Variants in INSYN2B observed in about 807,000 individuals in gnomAD.
The protein encoded by INSYN2B is inhibitory synaptic factor family member 2B, also known as protein INSYN2B.
Under a neutral mutation model 41.2 loss-of-function variants are expected in INSYN2B, and 16 were observed. The ratio of observed to expected loss-of-function variants is 0.39; its 90% CI spans 0.26 to 0.59. INSYN2B has a LOEUF of 0.59. INSYN2B is among the 20% of genes least tolerant of loss of function. The pLI is 0.57. For synonymous variants in INSYN2B, 245 were observed against 244.4 expected, an observed-to-expected ratio of 1.00 and a Z score of -0.02; for missense variants, 608 against 646.4, an observed-to-expected ratio of 0.94 and a Z score of 0.64.
intron 1 of INSYN2B, among the ~76,000 whole-genome samples, chr5:169,977,869 C>T (rs1030458525): frequency 1.1e-4 from 17 of 152,160 alleles, no homozygotes; most frequent in African/African-American, 4.1e-4. Flanking sequence ...CCTCCCACTT[C>T]CAGTCCTAGA....
intron 1 of INSYN2B, among the ~76,000 whole-genome samples, chr5:169,936,902 AT>A (rs1394763730): frequency 1.3e-5 from 2 of 152,240 alleles, no homozygotes; most frequent in African/African-American, 4.8e-5. Context: ...CAGACACTTA[AT>A]AATTCAAACA....
chr5:169,980,241 C>A (rs1214937453), intron 1 of INSYN2B, 36 bp downstream of exon 1: 2 of 152,040 alleles, frequency 1.3e-5, no homozygotes, highest in African/African-American at 4.8e-5. Context: ...AGAGGATCAT[C>A]GATCATAAAA....
intron 3 of INSYN2B, among the ~76,000 whole-genome samples, chr5:169,877,341 A>G (rs780613784): frequency 3.3e-5 from 5 of 152,228 alleles, no homozygotes; most frequent in Non-Finnish European, 7.3e-5. Context: ...AAGGGAAAAG[A>G]GACCTGTGTC....
chr5:169,932,779 C>A (rs1451624998), intron 1 of INSYN2B, among the ~76,000 whole-genome samples: 1 of 152,154 alleles, frequency 6.6e-6, no homozygotes. Context: ...TACAAACACT[C>A]ACCTATGCAT....
chr5:169,958,228 C>CAAAAAA, intron 1 of INSYN2B, among the ~76,000 whole-genome samples: 1 of 150,288 alleles, frequency 6.7e-6, no homozygotes. Flanking sequence ...CTTTGTTTTG[C>CAAAAAA]AAAAAAAAAA....
At chr5:169,864,635 A>G (rs1234702195) in intron 3 of INSYN2B, among the ~76,000 whole-genome samples, 176 bp from the exon 4 acceptor site, 1 of 152,114 alleles carries the variant, frequency 6.6e-6, no homozygotes, top group Non-Finnish European at 1.5e-5. Context: ...CTGAACCTCT[A>G]GTTCTTCAGT....
chr5:169,876,696 T>C (rs1772355606), intron 3 of INSYN2B, among the ~76,000 whole-genome samples: 1 of 152,246 alleles, frequency 6.6e-6, no homozygotes, highest in African/African-American at 2.4e-5. Flanking sequence ...AAAAGACCCA[T>C]TGAGAACCAG....
intron 1 of INSYN2B, among the ~76,000 whole-genome samples, chr5:169,959,674 C>T (rs1342154916): frequency 6.6e-6 from 1 of 152,154 alleles, no homozygotes; most frequent in Admixed American, 6.5e-5. Flanking sequence ...GGAGTCCGTC[C>T]AGTTCTCAGG....
At chr5:169,914,163 G>A (rs1774753910) in intron 1 of INSYN2B, among the ~76,000 whole-genome samples, 1 of 152,070 alleles carries the variant, frequency 6.6e-6, no homozygotes, top group African/African-American at 2.4e-5. Context: ...GCAAACCTTG[G>A]CTCCAACAAA....
chr5:169,927,273 A>G lies in INSYN2B; in HGVS notation c.-918-42457T>C, dbSNP rs372965203. 3.3e-4 allele frequency among the ~76,000 whole-genome samples: 51 copies of G among 152,320 alleles called. 1 individual carries two copies. Among genetic ancestry groups the G allele is most frequent in the South Asian group, 2.1e-3 (10 of 4,824 alleles). On this transcript the variant is annotated intron_variant, in intron 1 of 3. Coordinates refer to ENST00000377365, the MANE Select transcript of INSYN2B (RefSeq NM_001129891.3). ...AGAGGTAGAAGCAGCCAGATCCTCT[A>G]GAGCCTTGTAGGCCACAGTAAGGGG...
chr5:169,878,193 AC>A (rs1465447846), intron 3 of INSYN2B, among the ~76,000 whole-genome samples: 2 of 152,080 alleles, frequency 1.3e-5, no homozygotes, highest in Non-Finnish European at 2.9e-5. Context: ...GCTTAGAGGG[AC>A]CTCGTGCCCT....
intron 1 of INSYN2B, among the ~76,000 whole-genome samples, chr5:169,885,901 C>T (rs113876506): frequency 1.1e-4 from 16 of 152,172 alleles, no homozygotes; most frequent in African/African-American, 2.4e-4. Context: ...CCATTATCCC[C>T]CTTAGACTTA....
At chr5:169,903,984 C>G (rs541518467) in intron 1 of INSYN2B, among the ~76,000 whole-genome samples, 1 of 148,940 alleles carries the variant, frequency 6.7e-6, no homozygotes, top group Non-Finnish European at 1.5e-5. Context: ...CCCAGTTACT[C>G]GGGAGGGCTG....
intron 1 of INSYN2B, among the ~76,000 whole-genome samples, chr5:169,924,598 A>G (rs1452284460): frequency 1.3e-5 from 2 of 152,274 alleles, no homozygotes; most frequent in African/African-American, 4.8e-5. Context: ...GAGCTATTCA[A>G]TCATGCTGAA....
At chr5:169,925,128 A>G (rs971550758) in intron 1 of INSYN2B, among the ~76,000 whole-genome samples, 3 of 151,736 alleles carry the variant, frequency 2.0e-5, no homozygotes, top group African/African-American at 7.3e-5. Context: ...TGTTCTTTTT[A>G]TGGAAGGCCA....
chr5:169,893,028 T>C (rs1482949380), intron 1 of INSYN2B, among the ~76,000 whole-genome samples: 8 of 152,200 alleles, frequency 5.3e-5, no homozygotes, highest in African/African-American at 1.9e-4. Flanking sequence ...CTTCCTTCAT[T>C]TCTTTTGTTC....
intron 3 of INSYN2B, among the ~76,000 whole-genome samples, chr5:169,868,713 G>A (rs1441268905): frequency 6.6e-6 from 1 of 152,186 alleles, no homozygotes; most frequent in Non-Finnish European, 1.5e-5. Context: ...AGCTATGAGT[G>A]CACCACTGCA....
intron 1 of INSYN2B, among the ~76,000 whole-genome samples, chr5:169,973,045 A>C (rs961062891): frequency 6.6e-6 from 1 of 152,204 alleles, no homozygotes; most frequent in Non-Finnish European, 1.5e-5. Context: ...AGTTTAATAC[A>C]TGATGTGAGA....
At chr5:169,932,865 TA>T (rs34887864) in intron 1 of INSYN2B, among the ~76,000 whole-genome samples, 10 of 151,018 alleles carry the variant, frequency 6.6e-5, no homozygotes, top group Admixed American at 2.0e-4. Context: ...CAGGGCCAAA[TA>T]AAAAAAAATA....
Sources: allele counts gnomAD v4.1 joint callset (sites outside exome capture counted in the v4.1 genomes callset), GRCh38; gene constraint gnomAD v4.1.1; transcripts MANE v1.5; gene names NCBI Gene and HGNC (gene_info 2026-07-23, HGNC 2026-07-21).